Variants in ERAP1 observed in about 807,000 individuals in gnomAD.
ERAP1 encodes endoplasmic reticulum aminopeptidase 1, also known as adipocyte-derived leucine aminopeptidase.
A neutral mutation model predicts 103.7 loss-of-function variants in ERAP1; 86 were observed. The observed-to-expected ratio is 0.83, with a 90% confidence interval of 0.70 to 0.99. The LOEUF (loss-of-function observed/expected upper bound fraction) is 0.99, where lower values mean the gene tolerates loss of function less well. ERAP1 is among the 50% of genes least tolerant of loss of function. The pLI, the probability that ERAP1 is intolerant of heterozygous loss-of-function variation, is 0.00. For missense variants in ERAP1, 1,009 were observed against 1,128.4 expected (o/e 0.89, Z 1.52); for synonymous variants, 398 against 402.4 (o/e 0.99, Z 0.13).
At chr5:96,832,396 C>T in the ERAP1 span, among the ~76,000 whole-genome samples, 1 of 152,122 alleles carries the variant, frequency 6.6e-6, no homozygotes, top group Non-Finnish European at 1.5e-5. Flanking sequence ...TAGAATGTTG[C>T]ACCTATGAAC....
chr5:96,810,416 T>A (rs1001330018), upstream of ERAP1, among the ~76,000 whole-genome samples: 1 of 152,274 alleles, frequency 6.6e-6, no homozygotes, highest in Non-Finnish European at 1.5e-5. Flanking sequence ...TGTGTGCATG[T>A]GTGTGTTTAT....
chr5:96,823,730 T>C, the ERAP1 span, among the ~76,000 whole-genome samples: 1 of 152,238 alleles, frequency 6.6e-6, no homozygotes, highest in Non-Finnish European at 1.5e-5. Flanking sequence ...CACAGTTTTA[T>C]GGATAGAAGA....
the ERAP1 span, chr5:96,883,716 G>A: frequency 1.4e-6 from 2 of 1,461,842 alleles, no homozygotes; most frequent in Non-Finnish European, 1.8e-6. Context: ...TTGATAAGCT[G>A]TTTGCTGAAT....
downstream of ERAP1, among the ~76,000 whole-genome samples, chr5:96,770,885 G>A (rs898461722): frequency 6.6e-6 from 1 of 152,084 alleles, no homozygotes; most frequent in African/African-American, 2.4e-5. Flanking sequence ...ACCATAGTAT[G>A]TGGTTTATAT....
At chr5:96,768,074 T>A (rs1455765092) in intron 19 of ERAP1, 7 of 949,986 alleles carry the variant, frequency 7.4e-6, no homozygotes, top group Non-Finnish European at 1.2e-5. Flanking sequence ...GTTTTATTTA[T>A]TGATTGATCT....
downstream of ERAP1, chr5:96,770,290 C>T (rs983346886): frequency 1.3e-5 from 6 of 479,418 alleles, no homozygotes; most frequent in East Asian, 1.4e-4. Context: ...TCAGGCACCA[C>T]GGGAATTAGA....
the ERAP1 span, among the ~76,000 whole-genome samples, chr5:96,887,053 A>G: frequency 6.8e-6 from 1 of 147,162 alleles, no homozygotes; most frequent in Non-Finnish European, 1.5e-5. Flanking sequence ...CTTACTATAT[A>G]TGTAAAGGTA....
the ERAP1 span, chr5:96,908,875 T>C: frequency 2.2e-6 from 3 of 1,352,144 alleles, no homozygotes; most frequent in African/African-American, 1.5e-5. Context: ...TCTGTTATTG[T>C]TCTCTATTTC....
chr5:96,790,028 G>A (rs1254755732), intron 10 of ERAP1, among the ~76,000 whole-genome samples: 1 of 152,200 alleles, frequency 6.6e-6, no homozygotes, highest in Non-Finnish European at 1.5e-5. Flanking sequence ...ATAGAAACAT[G>A]TCATAAATCC....
chr5:96,885,087 G>A, the ERAP1 span, among the ~76,000 whole-genome samples: 1 of 152,142 alleles, frequency 6.6e-6, no homozygotes, highest in African/African-American at 2.4e-5. Flanking sequence ...GGACTGTATC[G>A]TCTTCATCTG....
At chr5:96,816,718 G>A in the ERAP1 span, among the ~76,000 whole-genome samples, 9,041 of 152,204 alleles carry the variant, frequency 0.059, 383 homozygotes, top group Middle Eastern at 0.14. Flanking sequence ...TCCCATGTGG[G>A]CAAAACCCAC....
chr5:96,807,514 G>A (rs1046737349), intron 1 of ERAP1, among the ~76,000 whole-genome samples: 1 of 151,970 alleles, frequency 6.6e-6, no homozygotes, highest in African/African-American at 2.4e-5. Flanking sequence ...CCCGCCGGCC[G>A]AACAGCGGGG....
At chr5:96,798,324 CAAAAAA>C (rs3076633) in intron 3 of ERAP1, among the ~76,000 whole-genome samples, 2 of 76,372 alleles carry the variant, frequency 2.6e-5, no homozygotes, top group Non-Finnish European at 4.8e-5. Flanking sequence ...GACTCCATCT[CAAAAAA>C]AAAAAAAAAA....
the ERAP1 span, among the ~76,000 whole-genome samples, chr5:96,917,099 G>A: frequency 0.38 from 57,143 of 151,992 alleles, 10,902 homozygotes; most frequent in Non-Finnish European, 0.42. Flanking sequence ...TTTGGAAGAC[G>A]AAGTGGTTTT....
At chr5:96,815,073 C>T in the ERAP1 span, among the ~76,000 whole-genome samples, 1 of 152,212 alleles carries the variant, frequency 6.6e-6, no homozygotes, top group Non-Finnish European at 1.5e-5. Context: ...ACCTAACTCC[C>T]TGTCCATAAG....
chr5:96,854,560 C>A, the ERAP1 span, among the ~76,000 whole-genome samples: 1 of 152,112 alleles, frequency 6.6e-6, no homozygotes, highest in Non-Finnish European at 1.5e-5. Context: ...CAGAAAACTT[C>A]ACATTTTGGA....
At chr5:96,903,460 C>T in the ERAP1 span, 5 of 1,614,008 alleles carry the variant, frequency 3.1e-6, no homozygotes, top group East Asian at 8.9e-5. Context: ...CTATGAGGGT[C>T]ATGGATGGGA....
At chr5:96,915,698 G>T in the ERAP1 span, 2 of 1,530,536 alleles carry the variant, frequency 1.3e-6, no homozygotes, top group South Asian at 1.3e-5. Flanking sequence ...ATTTGACTTG[G>T]GCTCATATGA....
chr5:96,878,808 A>T, the ERAP1 span, among the ~76,000 whole-genome samples: 1 of 152,044 alleles, frequency 6.6e-6, no homozygotes, highest in African/African-American at 2.4e-5. Flanking sequence ...CATACCTGTA[A>T]TCCCAGCTAC....
Sources: allele counts gnomAD v4.1 joint callset (sites outside exome capture counted in the v4.1 genomes callset), GRCh38; gene constraint gnomAD v4.1.1; transcripts MANE v1.5; gene names NCBI Gene and HGNC (gene_info 2026-07-23, HGNC 2026-07-21).